Variants in PIK3R6 observed in about 807,000 individuals in gnomAD.
The protein encoded by PIK3R6 is phosphoinositide-3-kinase regulatory subunit 6.
Under a neutral mutation model 84.9 loss-of-function variants are expected in PIK3R6, and 91 were observed. The ratio of observed to expected loss-of-function variants is 1.07; its 90% CI spans 0.90 to 1.28. PIK3R6 has a LOEUF of 1.28. Among genes scored for constraint, PIK3R6 ranks in the 50% most tolerant of loss-of-function variants. The pLI is 0.00. For synonymous variants in PIK3R6, 416 were observed against 411.4 expected, an observed-to-expected ratio of 1.01 and a Z score of -0.13; for missense variants, 996 against 985.1, an observed-to-expected ratio of 1.01 and a Z score of -0.15.
In PIK3R6 at chr17:8,839,759, C is replaced by A; in HGVS notation, c.14-62G>T. 7.4e-7 allele frequency: 1 copy of A among 1,359,410 alleles called. No homozygotes were observed. The highest frequency in any genetic ancestry group is 1.0e-6 in the Non-Finnish European group (1 of 984,934). The allele number at this position is 1,359,410 out of a possible 1,614,324, so 84.2% of individuals were successfully genotyped here. On this transcript the variant is annotated intron_variant, in intron 2 of 19. Coordinates refer to ENST00000619866, the MANE Select transcript of PIK3R6 (RefSeq NM_001010855.4). The surrounding 1 kb of genome is among the most constrained non-coding windows in gnomAD (Gnocchi z 4.2). ...CTGAACCTCACCCTCGTCCCACCTCCATTCCTTCCGAGAGTGTCTTTAGCC... is the reference window on the plus strand; with the variant it reads ...CTGAACCTCACCCTCGTCCCACCTCAATTCCTTCCGAGAGTGTCTTTAGCC...
At chr17:8,820,776 A>G (rs563998389) in intron 17 of PIK3R6, among the ~76,000 whole-genome samples, 1 of 152,304 alleles carries the variant, frequency 6.6e-6, no homozygotes, top group Admixed American at 6.5e-5. Context: ...CAAATGCATT[A>G]TTGTCAGAAA....
chr17:8,848,755 G>C (rs1448862726), intron 2 of PIK3R6, among the ~76,000 whole-genome samples: 2 of 152,162 alleles, frequency 1.3e-5, no homozygotes, highest in South Asian at 4.1e-4. Flanking sequence ...AGATGACCCA[G>C]AATATTGTAA....
intron 9 of PIK3R6, 88 bp downstream of exon 9, chr17:8,832,801 T>G: frequency 2.2e-4 from 352 of 1,568,550 alleles, no homozygotes; most frequent in East Asian, 2.0e-3. Context: ...CAGAGGCAGG[T>G]CCAGCGCTGC....
chr17:8,852,273 T>A (rs991387994), intron 1 of PIK3R6, among the ~76,000 whole-genome samples: 2 of 152,246 alleles, frequency 1.3e-5, no homozygotes, highest in African/African-American at 4.8e-5. Context: ...ATGGTTAAGA[T>A]GGTAAATTTT....
rs1257324049 is a variant in PIK3R6, at chr17:8,803,300, G to T, written c.2238C>A (p.Ile746=). 3 of 1,612,790 alleles carry T rather than the reference G, an allele frequency of 1.9e-6. No individual in the cohort carries two copies. The highest frequency in any genetic ancestry group is 1.7e-6 in the Non-Finnish European group (2 of 1,179,876). The change falls in exon 20 of 20, where the codon ATC becomes ATA. Residue 746 remains isoleucine, a synonymous_variant. Coordinates refer to ENST00000619866, the MANE Select transcript of PIK3R6 (RefSeq NM_001010855.4). The surrounding 1 kb of genome is among the most constrained non-coding windows in gnomAD (Gnocchi z 5.0). ...KAKPKPLLMP[I]NTFSGIVQ ...ACTGGACAATACCAGAGAATGTGTT[G>T]ATGGGCATCAGAAGGGGCTTGGGCT... is the stretch of plus-strand genomic sequence containing the variant.
intron 10 of PIK3R6, 123 bp downstream of exon 10, chr17:8,829,583 C>G (rs991543370): frequency 8.8e-6 from 9 of 1,021,512 alleles, no homozygotes; most frequent in African/African-American, 5.2e-5. Flanking sequence ...CACAGACACA[C>G]TGACACACAC....
At chr17:8,838,197 G>A (rs2088549368) in intron 4 of PIK3R6, 2 of 458,828 alleles carry the variant, frequency 4.4e-6, no homozygotes, top group Non-Finnish European at 7.9e-6. Context: ...TTCCCAAACG[G>A]TTGCAAAGTA....
At chr17:8,812,817 T>C (rs961651918) in intron 18 of PIK3R6, among the ~76,000 whole-genome samples, 2 of 152,080 alleles carry the variant, frequency 1.3e-5, no homozygotes, top group African/African-American at 4.8e-5. Flanking sequence ...CTCAAATCAA[T>C]AACCTAATGT....
intron 4 of PIK3R6, 69 bp downstream of exon 4, chr17:8,838,495 G>A (rs1376931608): frequency 4.2e-6 from 6 of 1,422,520 alleles, no homozygotes; most frequent in Non-Finnish European, 2.9e-6. Flanking sequence ...TGCCAGGACT[G>A]AGCCCCTGCC....
chr17:8,823,506 G>C lies in PIK3R6; in HGVS notation c.1516-9C>G. 1 of 1,573,356 alleles carries C rather than the reference G, an allele frequency of 6.4e-7. No homozygotes were observed. Among genetic ancestry groups the C allele is most frequent in the Non-Finnish European group, 8.7e-7 (1 of 1,144,174 alleles). Reference sequence around the variant, plus strand: ...GTGTCCAGGGAAGGAGGCTGTGATGGAGACAGGGAATGTCTTCACCAACTC... The same window carrying C: ...GTGTCCAGGGAAGGAGGCTGTGATGCAGACAGGGAATGTCTTCACCAACTC... On this transcript the variant is annotated splice_polypyrimidine_tract_variant and intron_variant, in intron 13 of 19. Transcript: ENST00000619866.
At chr17:8,826,727 T>G (rs1597395273) in intron 13 of PIK3R6, among the ~76,000 whole-genome samples, 1 of 152,106 alleles carries the variant, frequency 6.6e-6, no homozygotes, top group Non-Finnish European at 1.5e-5. Context: ...CAAACCACCA[T>G]GGCACATGTA....
chr17:8,828,696 C>T lies in PIK3R6; in HGVS notation c.1184G>A (p.Arg395Gln), dbSNP rs982239603. The change falls in exon 11 of 20, where the codon CGG (arginine) becomes CAG (glutamine). Residue 395 changes from arginine to glutamine, a missense_variant. Physicochemically the swap from Arg to Gln is conservative, Grantham distance 43. Transcript: ENST00000619866. The stretch of plus-strand genomic sequence containing the variant: ...ATCCCCACTGGGCCGGCCTGTCCTC[C>T]GGTGCAGCCCTGGGGGCCCGTCCCA... ...GSWDGPPGLH[R>Q]RTGRPSGDGE... 5 of 1,611,060 alleles carry T rather than the reference C, an allele frequency of 3.1e-6. No homozygotes were observed. Among genetic ancestry groups the T allele is most frequent in the African/African-American group, 2.7e-5 (2 of 74,882 alleles).
intron 18 of PIK3R6, among the ~76,000 whole-genome samples, chr17:8,804,572 A>G (rs2087143579): frequency 6.6e-6 from 1 of 152,206 alleles, no homozygotes; most frequent in Non-Finnish European, 1.5e-5. Flanking sequence ...ATTAAATCAC[A>G]TACAACATTA....
Position 8,803,212 on chromosome 17 carries a change from T to G in PIK3R6, c.*61A>C. 1.6e-5 allele frequency: 26 copies of G among 1,596,478 alleles called. No homozygotes were observed. Among genetic ancestry groups the G allele is most frequent in the South Asian group, 2.2e-5 (2 of 89,992 alleles). On this transcript the variant is annotated 3_prime_UTR_variant, in exon 20 of 20. Coordinates refer to ENST00000619866, the MANE Select transcript of PIK3R6 (RefSeq NM_001010855.4). This position sits in a 1 kb window ranked among gnomAD's most constrained non-coding sequence, Gnocchi z 5.0. ...CCGGGCCTTGCTCTGGCTGTTGGTG[T>G]GAGTGTTTGGAGTTGGTGGGGTAGT... is the stretch of plus-strand genomic sequence containing the variant.
chr17:8,810,577 T>C (rs187573711), intron 18 of PIK3R6, among the ~76,000 whole-genome samples: 2 of 148,616 alleles, frequency 1.3e-5, no homozygotes, highest in Admixed American at 1.4e-4. Context: ...GCAAGTTAGT[T>C]ACTTCCTAGA....
At position 8,829,002 on chromosome 17, in the gene PIK3R6, G is replaced by C; in HGVS notation, c.890-12C>G. On this transcript the variant is annotated splice_polypyrimidine_tract_variant and intron_variant, in intron 10 of 19. Coordinates refer to ENST00000619866, the MANE Select transcript of PIK3R6 (RefSeq NM_001010855.4). ...CACCAGTTCCTTCCCTGGGGTGGGG[G>C]AACAAGGGCGGTGAGGACACGTGAG... 1 of 1,494,188 alleles carries C rather than the reference G, an allele frequency of 6.7e-7. No homozygotes were observed. The highest frequency in any genetic ancestry group is 8.9e-7 in the Non-Finnish European group (1 of 1,122,528). The allele number at this position is 1,494,188 out of a possible 1,614,324, so 92.6% of individuals were successfully genotyped here. A position where few individuals can be genotyped will look rare whatever the true frequency, so the allele number is the denominator to read the frequency against.
intron 1 of PIK3R6, among the ~76,000 whole-genome samples, chr17:8,863,151 AG>A (rs1378372048): frequency 6.6e-6 from 1 of 152,118 alleles, no homozygotes; most frequent in Non-Finnish European, 1.5e-5. Flanking sequence ...AGAGTTGGGG[AG>A]GGGTGTGCAG....
intron 1 of PIK3R6, among the ~76,000 whole-genome samples, chr17:8,863,049 G>T (rs920093996): frequency 6.6e-6 from 1 of 152,162 alleles, no homozygotes; most frequent in Non-Finnish European, 1.5e-5. Flanking sequence ...GCACTCTAGT[G>T]GGTGTGTAGG....
chr17:8,851,112 A>C (rs2088945714), intron 1 of PIK3R6, among the ~76,000 whole-genome samples: 1 of 116,812 alleles, frequency 8.6e-6, no homozygotes, highest in African/African-American at 3.6e-5. Context: ...ACCAAAATCT[A>C]ATAAAGGTAG....
Sources: allele counts gnomAD v4.1 joint callset (sites outside exome capture counted in the v4.1 genomes callset), GRCh38; gene constraint gnomAD v4.1.1; non-coding constraint Gnocchi (gnomAD v3.1); transcripts MANE v1.5; gene names NCBI Gene and HGNC (gene_info 2026-07-23, HGNC 2026-07-21).